SLC35F6: variants seen among roughly 807,000 people sequenced by gnomAD.
The protein encoded by SLC35F6 is ANT2-binding protein.
In SLC35F6, 26 loss-of-function variants were observed where a neutral mutation model predicts 29.4. The observed-to-expected ratio is 0.89, with a 90% confidence interval of 0.65 to 1.23. SLC35F6 has a LOEUF of 1.23. Ranked by LOEUF, SLC35F6 falls within the 50% of genes most tolerant of loss-of-function variation. SLC35F6 has a pLI of 0.00. For missense variants in SLC35F6, 428 were observed against 487.8 expected, an observed-to-expected ratio of 0.88 and a Z score of 1.15; for synonymous variants, 174 against 206.6, an observed-to-expected ratio of 0.84 and a Z score of 1.35.
rs942795080 is a variant in SLC35F6 at position 26,780,461 on chromosome 2, G to A, written c.*1950G>A. 9.2e-5 allele frequency: 14 copies of A among 152,218 alleles called. No individual in the cohort carries two copies. Among genetic ancestry groups the A allele is most frequent in the African/African-American group, 3.4e-4 (14 of 41,456 alleles). 9.4% of individuals were successfully genotyped at this position (152,218 alleles called of 1,614,324 possible). A position where few individuals can be genotyped will look rare whatever the true frequency, so the allele number is the denominator to read the frequency against. ...AGACTAAGTAGGATTCTGCCATTTAGAATAATTCTGGTATCCTGGGCGTTG... is the reference window on the plus strand; with the variant it reads ...AGACTAAGTAGGATTCTGCCATTTAAAATAATTCTGGTATCCTGGGCGTTG... On this transcript the variant is annotated 3_prime_UTR_variant, in exon 6 of 6. Transcript: ENST00000344420.
Position 26,778,445 on chromosome 2 carries a change from G to C in SLC35F6, c.1050G>C (p.Leu350=). 1 of 1,613,988 alleles carries C rather than the reference G, an allele frequency of 6.2e-7. No homozygotes were observed. Among genetic ancestry groups the C allele is most frequent in the Non-Finnish European group, 8.5e-7 (1 of 1,179,994 alleles). ...GCCGCCTGTCCAGGGGCCGGCCCCT[G>C]GCAGAGGAGAGCGAGCAGGAGAGAC... ...LLGRLSRGRP[L]AEESEQERLL... The change falls in exon 6 of 6, where the codon CTG becomes CTC. Residue 350 remains leucine, a synonymous_variant. Coordinates refer to ENST00000344420, the MANE Select transcript of SLC35F6 (RefSeq NM_017877.4).
chr2:26,776,571 G>A (rs1049179664), intron 5 of SLC35F6, 89 bp downstream of exon 5: 4 of 1,208,460 alleles, frequency 3.3e-6, no homozygotes, highest in Non-Finnish European at 4.8e-6. Flanking sequence ...GTTCACTTGT[G>A]GGGGGTGAAC....
chr2:26,769,864 A>G (rs1664162987), intron 1 of SLC35F6, among the ~76,000 whole-genome samples: 1 of 152,186 alleles, frequency 6.6e-6, no homozygotes, highest in Admixed American at 6.5e-5. Context: ...CAGGTCATGT[A>G]TATATCCTTA....
chr2:26,775,130 C>T lies in SLC35F6; in HGVS notation c.237C>T (p.Ser79=), dbSNP rs781640338. 3.7e-6 allele frequency: 6 copies of T among 1,614,136 alleles called. No homozygotes were observed. The highest frequency in any genetic ancestry group is 2.2e-5 in the East Asian group (1 of 44,872). ...GAGCTGCAGGGCAATCAGACTCCAG[C>T]GTAGACCCCCAGCAGCCCTTCAACC... ...RCRAAGQSDS[S]VDPQQPFNPL... Residue 79 remains serine (S), a synonymous_variant, in exon 3 of 6, where the codon AGC becomes AGT. Transcript: ENST00000344420. The surrounding 1 kb of genome is among the most constrained non-coding windows in gnomAD (Gnocchi z 4.6).
chr2:26,778,199 C>T lies in SLC35F6; in HGVS notation c.804C>T (p.Gly268=), dbSNP rs768324836. 2 of 1,614,200 alleles carry T rather than the reference C, an allele frequency of 1.2e-6. No homozygotes were observed. The highest frequency in any genetic ancestry group is 1.7e-6 in the Non-Finnish European group (2 of 1,180,044). The change falls in exon 6 of 6, where the codon GGC becomes GGT. Residue 268 remains glycine, a synonymous_variant. Coordinates refer to ENST00000344420, the MANE Select transcript of SLC35F6 (RefSeq NM_017877.4). ...QQPLIAVALL[G]NISSIAFFNF... ...CGCTCATTGCCGTGGCACTGCTGGG[C>T]AACATCAGCAGCATTGCCTTCTTCA...
At chr2:26,776,716 G>A (rs902788464) in intron 5 of SLC35F6, among the ~76,000 whole-genome samples, 3 of 152,210 alleles carry the variant, frequency 2.0e-5, no homozygotes, top group Non-Finnish European at 2.9e-5. Context: ...CAGGAAGAAA[G>A]GGCAGTCAGT....
chr2:26,778,146 G>A lies in SLC35F6; in HGVS notation c.751G>A (p.Asp251Asn). Reference sequence around the variant, plus strand: ...TCGTGGGACACTGGAGGATGCATTGGACGCCTTCTGCCAGGTGGGCCAGCA... The same window carrying A: ...TCGTGGGACACTGGAGGATGCATTGAACGCCTTCTGCCAGGTGGGCCAGCA... ...NPRGTLEDAL[D>N]AFCQVGQQPL... Residue 251 changes from aspartate (D) to asparagine (N), a missense_variant, in exon 6 of 6, where the codon GAC becomes AAC. By Grantham distance (23) the Asp-to-Asn change is conservative (BLOSUM62 1). Transcript: ENST00000344420. 1 of 1,614,186 alleles carries A rather than the reference G, an allele frequency of 6.2e-7. No homozygotes were observed. The highest frequency in any genetic ancestry group is 2.2e-5 in the East Asian group (1 of 44,878).
intron 1 of SLC35F6, among the ~76,000 whole-genome samples, chr2:26,769,294 C>T (rs750666267): frequency 6.6e-6 from 1 of 152,224 alleles, no homozygotes; most frequent in Non-Finnish European, 1.5e-5. Flanking sequence ...GCACGGAGAG[C>T]CTACTCCCCA....
intron 1 of SLC35F6, among the ~76,000 whole-genome samples, chr2:26,771,191 A>C (rs957311757): frequency 6.6e-6 from 1 of 152,226 alleles, no homozygotes; most frequent in African/African-American, 2.4e-5. Flanking sequence ...GCCTTGGGGA[A>C]GGACAGGCCC....
rs901081413 is a variant in SLC35F6, at chr2:26,780,163, T to C, written c.*1652T>C. 6.6e-6 allele frequency: 1 copy of C among 152,136 alleles called. No individual in the cohort carries two copies. The highest frequency in any genetic ancestry group is 2.4e-5 in the African/African-American group (1 of 41,430). The allele number at this position is 152,136 out of a possible 1,614,324, so 9.4% of individuals were successfully genotyped here. On this transcript the variant is annotated 3_prime_UTR_variant, in exon 6 of 6. Transcript: ENST00000344420. ...TCTTACTCTCACCTCTGAGGCCTCC[T>C]CTGCCTGGAAGAGATTACAGGGAAA...
In SLC35F6 at chr2:26,774,326, A is replaced by G. The variant is rs776149072; in HGVS notation, c.150+3A>G. 2.5e-6 allele frequency: 4 copies of G among 1,613,940 alleles called. No individual in the cohort carries two copies. Among genetic ancestry groups the G allele is most frequent in the Middle Eastern group, 1.6e-4 (1 of 6,062 alleles). The stretch of plus-strand genomic sequence containing the variant: ...GCTTCCAGCATCCCTTCCTCCAGGT[A>G]TCTGGCCCTGTCCCTCCTACCTCCT... On this transcript the variant is annotated splice_donor_region_variant and intron_variant, in intron 2 of 5. Transcript: ENST00000344420.
intron 1 of SLC35F6, among the ~76,000 whole-genome samples, chr2:26,771,587 G>A (rs565397954): frequency 2.0e-5 from 3 of 152,336 alleles, no homozygotes; most frequent in South Asian, 2.1e-4. Context: ...GACTGGGTTC[G>A]AGAGCAGCCC....
intron 1 of SLC35F6, chr2:26,764,826 T>G: frequency 1.0e-6 from 1 of 985,148 alleles, no homozygotes; most frequent in Non-Finnish European, 1.2e-6. Flanking sequence ...CCAGTGAGCG[T>G]GGAGGCCTCA....
chr2:26,775,168 T>G lies in SLC35F6; in HGVS notation c.275T>G (p.Leu92Arg), dbSNP rs1391830357. 1.2e-6 allele frequency: 2 copies of G among 1,613,944 alleles called. No individual in the cohort carries two copies. The highest frequency in any genetic ancestry group is 1.7e-6 in the Non-Finnish European group (2 of 1,180,016). The change falls in exon 3 of 6, where the codon CTG (leucine) becomes CGG (arginine). Residue 92 changes from leucine to arginine, a missense_variant. Transcript: ENST00000344420. This position sits in a 1 kb window ranked among gnomAD's most constrained non-coding sequence, Gnocchi z 4.6. ...CAGCCCTTCAACCCTCTTCTTTTCC[T>G]GCCCCCAGCGCTCTGTGACATGACA... ...PQQPFNPLLF[L>R]PPALCDMTGT...
In SLC35F6 at chr2:26,775,620, TGGCTGACCTCCTGAGCAAGCAC is replaced by T. The variant is rs762652200; in HGVS notation, c.481_502del (p.Ala161ThrfsTer9). 6.2e-7 allele frequency: 1 copy of T among 1,604,594 alleles called. No individual in the cohort carries two copies. The highest frequency in any genetic ancestry group is 8.5e-7 in the Non-Finnish European group (1 of 1,177,962). Reference sequence around the variant, plus strand: ...ATCGCGGGGCTGGTGGTCGTGGGCCTGGCTGACCTCCTGAGCAAGCACGACAGTCAGCACAAGCTCAGCGAAG... The same window carrying T: ...ATCGCGGGGCTGGTGGTCGTGGGCCTGACAGTCAGCACAAGCTCAGCGAAG... On this transcript the variant is annotated frameshift_variant, in exon 4 of 6. Transcript: ENST00000344420. LOFTEE classifies it high-confidence loss of function. This position sits in a 1 kb window ranked among gnomAD's most constrained non-coding sequence, Gnocchi z 4.6.
At chr2:26,767,960 G>C (rs1664126224) in intron 1 of SLC35F6, among the ~76,000 whole-genome samples, 1 of 152,198 alleles carries the variant, frequency 6.6e-6, no homozygotes, top group Non-Finnish European at 1.5e-5. Flanking sequence ...AGCCAGGCAG[G>C]GATATGAGCC....
In SLC35F6 at chr2:26,778,298, T is replaced by C; in HGVS notation, c.903T>C (p.Val301=). 1 of 1,614,176 alleles carries C rather than the reference T, an allele frequency of 6.2e-7. No homozygotes were observed. The highest frequency in any genetic ancestry group is 8.5e-7 in the Non-Finnish European group (1 of 1,180,024). ...TRMVLDSLRT[V]VIWALSLALG... Reference sequence around the variant, plus strand: ...TGGTGTTGGACAGCTTGCGCACCGTTGTCATCTGGGCACTGAGCCTGGCAC... The same window carrying C: ...TGGTGTTGGACAGCTTGCGCACCGTCGTCATCTGGGCACTGAGCCTGGCAC... The change falls in exon 6 of 6, where the codon GTT becomes GTC. Residue 301 remains valine, a synonymous_variant. Transcript: ENST00000344420.
At chr2:26,772,580 C>T (rs1425770372) in intron 1 of SLC35F6, among the ~76,000 whole-genome samples, 2 of 152,140 alleles carry the variant, frequency 1.3e-5, no homozygotes, top group Admixed American at 6.5e-5. Context: ...GCCTTGCTAG[C>T]CTCAGTCTGG....
At chr2:26,776,507 A>C in intron 5 of SLC35F6, 25 bp downstream of exon 5, 1 of 1,607,610 alleles carries the variant, frequency 6.2e-7, no homozygotes, top group Non-Finnish European at 8.5e-7. Context: ...AGGGGCCTGG[A>C]AGGAGTGGGG....
Sources: allele counts gnomAD v4.1 joint callset (sites outside exome capture counted in the v4.1 genomes callset), GRCh38; gene constraint gnomAD v4.1.1; non-coding constraint Gnocchi (gnomAD v3.1); transcripts MANE v1.5; gene names NCBI Gene and HGNC (gene_info 2026-07-23, HGNC 2026-07-21).